The following SDCCAG8 variants were observed in gnomAD, a reference collection of about 807,000 sequenced individuals.
SDCCAG8 encodes serologically defined colon cancer antigen 8.
Under a neutral mutation model 101.8 loss-of-function variants are expected in SDCCAG8, and 74 were observed. The ratio of observed to expected loss-of-function variants is 0.73; its 90% CI spans 0.60 to 0.88. The LOEUF (loss-of-function observed/expected upper bound fraction) is 0.88. SDCCAG8 is among the 40% of genes least tolerant of loss of function. SDCCAG8 has a pLI of 0.00. For missense variants in SDCCAG8, 787 were observed against 822.6 expected (o/e 0.96, Z 0.53); for synonymous variants, 281 against 292.9 (o/e 0.96, Z 0.41).
At chr1:243,293,036 T>C (rs2070426751) in intron 5 of SDCCAG8, 55 bp from the exon 6 acceptor site, 1 of 1,598,846 alleles carries the variant, frequency 6.3e-7, no homozygotes. Context: ...TTGTAAAATA[T>C]GCATGTTTAT....
At chr1:243,329,801 T>G (rs1272077271) in intron 9 of SDCCAG8, among the ~76,000 whole-genome samples, 3 of 152,198 alleles carry the variant, frequency 2.0e-5, no homozygotes, top group Non-Finnish European at 4.4e-5. Flanking sequence ...AATAAAGATA[T>G]TGTAAAAGTG....
chr1:243,387,506 C>T (rs2078385231), intron 13 of SDCCAG8, among the ~76,000 whole-genome samples: 1 of 152,194 alleles, frequency 6.6e-6, no homozygotes. Flanking sequence ...CTGTGACCTA[C>T]TTTTGTGATC....
intron 9 of SDCCAG8, among the ~76,000 whole-genome samples, chr1:243,330,211 T>C (rs904954685): frequency 1.3e-5 from 2 of 152,198 alleles, no homozygotes; most frequent in African/African-American, 4.8e-5. Context: ...ACATGATATA[T>C]AATTGAAAAT....
Position 243,480,021 on chromosome 1 carries a change from C to G in SDCCAG8, c.1986-8993C>G, listed in dbSNP as rs925807593. ...CCTGAGGTTGAGAGAGATACTCAGT[C>G]TCAGGCTTAAGGTAAAATAGCTAGC... is the stretch of plus-strand genomic sequence containing the variant. On this transcript the variant is annotated intron_variant, in intron 16 of 17. Coordinates refer to ENST00000366541, the MANE Select transcript of SDCCAG8 (RefSeq NM_006642.5). 5.9e-5 allele frequency among the ~76,000 whole-genome samples: 9 copies of G among 151,596 alleles called. 1 individual carries two copies. The highest frequency in any genetic ancestry group is 5.3e-4 in the Admixed American group (8 of 15,202).
chr1:243,372,223 T>C (rs1420644264), intron 12 of SDCCAG8, among the ~76,000 whole-genome samples: 1 of 152,146 alleles, frequency 6.6e-6, no homozygotes, highest in Non-Finnish European at 1.5e-5. Context: ...TTGTCAAAAT[T>C]TGTCAGCCTC....
rs2075358373 is a variant in SDCCAG8 at position 243,341,108 on chromosome 1, T to C, written c.1291T>C (p.Ser431Pro). ...QVEKVTKEKISAINQLEEIQS... is the reference protein window; with the variant it reads ...QVEKVTKEKIPAINQLEEIQS... ...GGAAAAGGTTACAAAGGAAAAGATT[T>C]CAGCTATTAATCAACTGGAGGAAAT... Residue 431 changes from serine (S) to proline (P), a missense_variant, in exon 11 of 18, where the codon TCA (serine) becomes CCA (proline). Transcript: ENST00000366541. The C allele has an allele frequency of 6.2e-7, 1 of 1,614,102 alleles. No homozygotes were observed. Among genetic ancestry groups the C allele is most frequent in the Non-Finnish European group, 8.5e-7 (1 of 1,179,936 alleles).
intron 16 of SDCCAG8, among the ~76,000 whole-genome samples, chr1:243,468,017 G>A (rs1378443385): frequency 1.3e-5 from 2 of 152,078 alleles, no homozygotes; most frequent in Admixed American, 1.3e-4. Context: ...TCCACCCAAG[G>A]ACCTTGTTGT....
At chr1:243,373,124 G>T (rs2077401451) in intron 12 of SDCCAG8, among the ~76,000 whole-genome samples, 1 of 151,846 alleles carries the variant, frequency 6.6e-6, no homozygotes, top group East Asian at 1.9e-4. Flanking sequence ...ATTTAAAATG[G>T]ATTTTTTACT....
intron 13 of SDCCAG8, among the ~76,000 whole-genome samples, chr1:243,381,833 A>C (rs2077976574): frequency 6.6e-6 from 1 of 152,220 alleles, no homozygotes; most frequent in Non-Finnish European, 1.5e-5. Context: ...GCAATGATAA[A>C]AGTGATGATT....
At chr1:243,440,637 A>C (rs897824204) in intron 16 of SDCCAG8, among the ~76,000 whole-genome samples, 1 of 152,236 alleles carries the variant, frequency 6.6e-6, no homozygotes, top group Non-Finnish European at 1.5e-5. Context: ...TGTTGCACAA[A>C]GGATTGAAAT....
intron 12 of SDCCAG8, among the ~76,000 whole-genome samples, chr1:243,365,185 G>A (rs1219410407): frequency 2.6e-5 from 4 of 152,066 alleles, no homozygotes; most frequent in East Asian, 1.9e-4. Flanking sequence ...TGGATCCCAC[G>A]TTCCCACCTG....
intron 16 of SDCCAG8, among the ~76,000 whole-genome samples, chr1:243,436,719 A>G (rs1306699202): frequency 1.3e-5 from 2 of 152,218 alleles, no homozygotes; most frequent in Non-Finnish European, 1.5e-5. Context: ...CTGACAAACC[A>G]TCTATAACCT....
intron 3 of SDCCAG8, among the ~76,000 whole-genome samples, chr1:243,271,864 A>G (rs1490848741): frequency 6.6e-6 from 1 of 152,228 alleles, no homozygotes; most frequent in African/African-American, 2.4e-5. Flanking sequence ...ACGTTTTAAT[A>G]TGTAATGTTC....
chr1:243,364,048 G>GTGAGT (rs1160156494), intron 12 of SDCCAG8, among the ~76,000 whole-genome samples: 1 of 152,096 alleles, frequency 6.6e-6, no homozygotes, highest in Admixed American at 6.5e-5. Flanking sequence ...CACAGCTAAA[G>GTGAGT]TGAGTTTTCT....
intron 17 of SDCCAG8, among the ~76,000 whole-genome samples, chr1:243,496,201 C>T (rs1006600180): frequency 4.6e-5 from 7 of 152,212 alleles, no homozygotes; most frequent in Non-Finnish European, 8.8e-5. Context: ...TGGGAAGTGG[C>T]TGGGCAGGGA....
chr1:243,355,085 A>T (rs1407483955), intron 12 of SDCCAG8, among the ~76,000 whole-genome samples: 1 of 152,204 alleles, frequency 6.6e-6, no homozygotes, highest in Non-Finnish European at 1.5e-5. Flanking sequence ...TAGAGTTTTC[A>T]TATTACTCTT....
rs75952398 is a variant in SDCCAG8, at chr1:243,412,050, C to T, written c.1617-3652C>T. 1.3e-3 allele frequency among the ~76,000 whole-genome samples: 195 copies of T among 152,218 alleles called. 1 individual carries two copies. The highest frequency in any genetic ancestry group is 3.7e-3 in the African/African-American group (152 of 41,534). On this transcript the variant is annotated intron_variant, in intron 13 of 17. Coordinates refer to ENST00000366541, the MANE Select transcript of SDCCAG8 (RefSeq NM_006642.5). ...AAATTTTCCCCTTATACCTTTCTTA[C>T]GAAGTATTTTGCCATCTACTTTCTG...
intron 10 of SDCCAG8, among the ~76,000 whole-genome samples, chr1:243,340,176 G>T (rs2075301384): frequency 1.3e-5 from 2 of 152,204 alleles, no homozygotes; most frequent in Non-Finnish European, 2.9e-5. Flanking sequence ...CTACTCTAAT[G>T]AGGAAACAGA....
At chr1:243,291,565 C>A (rs1191400957) in intron 5 of SDCCAG8, among the ~76,000 whole-genome samples, 1 of 152,190 alleles carries the variant, frequency 6.6e-6, no homozygotes, top group African/African-American at 2.4e-5. Flanking sequence ...TGTTTATCAC[C>A]ATACATGCAC....
Sources: allele counts gnomAD v4.1 joint callset (sites outside exome capture counted in the v4.1 genomes callset), GRCh38; gene constraint gnomAD v4.1.1; transcripts MANE v1.5; gene names NCBI Gene and HGNC (gene_info 2026-07-23, HGNC 2026-07-21).